The following PMS1 variants were observed in gnomAD, a reference collection of about 807,000 sequenced individuals.
The protein encoded by PMS1 is PMS1 homolog 1, mismatch repair system component.
A neutral mutation model predicts 93.1 loss-of-function variants in PMS1; 79 were observed. The ratio of observed to expected loss-of-function variants is 0.85; its 90% confidence interval spans 0.71 to 1.02. The LOEUF is 1.02. Among genes scored for constraint, PMS1 ranks in the 50% least tolerant of loss-of-function variants. PMS1 has a pLI of 0.00. For missense variants in PMS1, 1,064 were observed against 1,085.3 expected (o/e 0.98, Z 0.28); for synonymous variants, 335 against 363.4 (o/e 0.92, Z 0.89).
chr2:189,856,025 T>C (rs1013606111), intron 9 of PMS1: 4 of 179,554 alleles, frequency 2.2e-5, no homozygotes, highest in Middle Eastern at 2.3e-3. Context: ...TTGACCAATT[T>C]TTTTTTTCAT....
chr2:189,812,955 T>G (rs1311899225), intron 4 of PMS1, among the ~76,000 whole-genome samples: 1 of 152,186 alleles, frequency 6.6e-6, no homozygotes, highest in Non-Finnish European at 1.5e-5. Context: ...CCACTGGAAT[T>G]TATTTTAGGC....
At chr2:189,842,037 C>A (rs548288523) in intron 5 of PMS1, among the ~76,000 whole-genome samples, 1 of 151,046 alleles carries the variant, frequency 6.6e-6, no homozygotes, top group South Asian at 2.1e-4. Context: ...TGTCTGCTTG[C>A]ATTTCCCAGC....
chr2:189,818,124 C>A lies in PMS1; in HGVS notation c.526C>A (p.Leu176Ile). ...TGAAATAAAAAAGATCCAAGATCTC[C>A]TCATGAGCTTTGGTATCCTTAAACC... ...KDEIKKIQDL[L>I]MSFGILKPDL... The change falls in exon 5 of 13, where the codon CTC (leucine) becomes ATC (isoleucine). Residue 176 changes from leucine (L) to isoleucine (I), a missense_variant. By Grantham distance (5) the Leu-to-Ile change is conservative (BLOSUM62 2). Coordinates refer to ENST00000441310, the MANE Select transcript of PMS1 (RefSeq NM_000534.5). 1 of 1,609,098 alleles carries A rather than the reference C, an allele frequency of 6.2e-7. No individual in the cohort carries two copies. Among genetic ancestry groups the A allele is most frequent in the Non-Finnish European group, 8.5e-7 (1 of 1,175,878 alleles).
At position 189,867,897 on chromosome 2, in the gene PMS1, C is replaced by G. The variant is rs369226504; in HGVS notation, c.2441C>G (p.Thr814Arg). The G allele has an allele frequency of 5.6e-6, 9 of 1,610,106 alleles. No individual in the cohort carries two copies. The South Asian group carries it at 7.7e-5, about 14-fold the overall frequency. Residue 814 changes from threonine to arginine, a missense_variant, in exon 11 of 13, where the codon ACA (threonine) becomes AGA (arginine). By Grantham distance (71) the Thr-to-Arg change is moderately conservative. Transcript: ENST00000441310. ...GSTYLSDPRL[T>R]ANGFKIKLIP... ...ACTTACCTGTCTGATCCTCGTCTTA[C>G]AGCGAATGGTTTCAAGATAAAATTG...
At chr2:189,806,186 A>G (rs1244558568) in intron 4 of PMS1, 5 of 302,716 alleles carry the variant, frequency 1.7e-5, no homozygotes, top group Admixed American at 4.7e-5. Context: ...AACTTCAAAC[A>G]TGCATAAGAA....
intron 12 of PMS1, among the ~76,000 whole-genome samples, chr2:189,876,113 T>TA (rs199880018): frequency 2.0e-5 from 3 of 151,550 alleles, no homozygotes; most frequent in African/African-American, 4.8e-5. Flanking sequence ...ACGTAAACTT[T>TA]AAAAAAAAAT....
intron 1 of PMS1, among the ~76,000 whole-genome samples, chr2:189,790,718 G>A (rs1196808732): frequency 2.6e-5 from 4 of 152,134 alleles, no homozygotes; most frequent in Non-Finnish European, 5.9e-5. Flanking sequence ...TGTTCTTATT[G>A]TAATCATCAT....
chr2:189,823,665 G>GT (rs984039989), intron 5 of PMS1, among the ~76,000 whole-genome samples: 2 of 152,098 alleles, frequency 1.3e-5, no homozygotes, highest in African/African-American at 2.4e-5. Context: ...GAATAAGGCT[G>GT]TTTTTTATCA....
intron 11 of PMS1, among the ~76,000 whole-genome samples, chr2:189,872,589 C>T (rs2057242930): frequency 6.6e-6 from 1 of 152,078 alleles, no homozygotes; most frequent in Non-Finnish European, 1.5e-5. Context: ...GGATTATGTA[C>T]CCAGTTATAC....
At chr2:189,841,932 C>T (rs1179817081) in intron 5 of PMS1, among the ~76,000 whole-genome samples, 1 of 85,684 alleles carries the variant, frequency 1.2e-5, no homozygotes, top group Non-Finnish European at 2.4e-5. Context: ...TCTCAGCCTC[C>T]AGCCACTGAG....
chr2:189,843,002 G>A (rs1026741812), intron 5 of PMS1, among the ~76,000 whole-genome samples: 4 of 136,662 alleles, frequency 2.9e-5, no homozygotes, highest in Admixed American at 7.1e-5. Flanking sequence ...ATGTGTGTGT[G>A]TATATATATA....
At chr2:189,830,222 A>G (rs1407815153) in intron 5 of PMS1, among the ~76,000 whole-genome samples, 1 of 152,210 alleles carries the variant, frequency 6.6e-6, no homozygotes, top group Non-Finnish European at 1.5e-5. Flanking sequence ...CAGGAAGGCC[A>G]TGGGCTGTAG....
At chr2:189,807,896 C>A (rs1267135329) in intron 4 of PMS1, among the ~76,000 whole-genome samples, 3 of 151,834 alleles carry the variant, frequency 2.0e-5, no homozygotes, top group African/African-American at 7.3e-5. Context: ...GTTTTTTCAC[C>A]TAATTATAGT....
At chr2:189,816,606 A>G (rs979501756) in intron 4 of PMS1, among the ~76,000 whole-genome samples, 3 of 152,140 alleles carry the variant, frequency 2.0e-5, no homozygotes, top group Non-Finnish European at 4.4e-5. Flanking sequence ...TATTTATTTA[A>G]TTACATCTCC....
intron 5 of PMS1, among the ~76,000 whole-genome samples, chr2:189,834,943 T>C (rs1184542047): frequency 6.6e-6 from 1 of 152,220 alleles, no homozygotes; most frequent in Non-Finnish European, 1.5e-5. Flanking sequence ...TTGCCCAGGC[T>C]GGTCTTGAAC....
chr2:189,846,572 G>A (rs1056275537), intron 6 of PMS1, among the ~76,000 whole-genome samples: 8 of 151,708 alleles, frequency 5.3e-5, no homozygotes, highest in Non-Finnish European at 1.0e-4. Context: ...CCAGCTACTT[G>A]GGAGGCTGAG....
At chr2:189,841,366 A>C (rs1233255) in intron 5 of PMS1, among the ~76,000 whole-genome samples, 39,911 of 152,022 alleles carry the variant, frequency 0.26, 5,869 homozygotes, top group African/African-American at 0.41. Flanking sequence ...CTTCCTGTTA[A>C]ACTAAATGTT....
intron 1 of PMS1, among the ~76,000 whole-genome samples, chr2:189,790,645 CG>C (rs2048778529): frequency 6.6e-6 from 1 of 152,018 alleles, no homozygotes; most frequent in Non-Finnish European, 1.5e-5. Context: ...TATGGTTTAG[CG>C]GTTTAAATGC....
At chr2:189,869,217 T>C (rs1363558843) in intron 11 of PMS1, among the ~76,000 whole-genome samples, 1 of 152,208 alleles carries the variant, frequency 6.6e-6, no homozygotes, top group Non-Finnish European at 1.5e-5. Flanking sequence ...AGATATTTAC[T>C]CCAGGAAGTA....
Sources: allele counts gnomAD v4.1 joint callset (sites outside exome capture counted in the v4.1 genomes callset), GRCh38; gene constraint gnomAD v4.1.1; transcripts MANE v1.5; gene names NCBI Gene and HGNC (gene_info 2026-07-23, HGNC 2026-07-21).